Variants in SUPT6H observed in about 807,000 individuals in gnomAD.
SUPT6H encodes the protein SPT6 homolog, histone chaperone and transcription elongation factor, also known as transcription elongation factor SPT6.
In SUPT6H, 11 loss-of-function variants were observed where a neutral mutation model predicts 222.3. The observed-to-expected ratio is 0.05, with a 90% CI of 0.03 to 0.08. The LOEUF is 0.08. Among genes scored for constraint, SUPT6H ranks in the 10% least tolerant of loss-of-function variants. SUPT6H has a pLI of 1.00. For synonymous variants in SUPT6H, 762 were observed against 801.2 expected, an observed-to-expected ratio of 0.95 and a Z score of 0.83; for missense variants, 1,422 against 2,216.0, an observed-to-expected ratio of 0.64 and a Z score of 7.19.
In SUPT6H at chr17:28,697,049, C is replaced by T. The variant is rs1250772284; in HGVS notation, c.4176C>T (p.Phe1392=). The T allele has an allele frequency of 1.9e-6, 3 of 1,613,958 alleles. No individual in the cohort carries two copies. The highest frequency in any genetic ancestry group is 1.7e-5 in the Admixed American group (1 of 59,992). The part of the protein sequence containing the change: ...DVREEGKENA[F]SLGATLWINS... ...GGGAGGAGGGCAAGGAAAATGCCTTCAGCCTGGGAGCCACTCTGTGGATCA... is the reference window on the plus strand; with the variant it reads ...GGGAGGAGGGCAAGGAAAATGCCTTTAGCCTGGGAGCCACTCTGTGGATCA... The change falls in exon 30 of 37, where the codon TTC becomes TTT. Residue 1392 remains phenylalanine, a synonymous_variant. Transcript: ENST00000314616.
intron 26 of SUPT6H, among the ~76,000 whole-genome samples, chr17:28,690,678 G>C (rs959880682): frequency 1.3e-5 from 2 of 152,236 alleles, no homozygotes; most frequent in African/African-American, 4.8e-5. Flanking sequence ...GGAGGCTGAG[G>C]CAGGAGGATT....
Position 28,697,886 on chromosome 17 carries a change from C to T in SUPT6H, c.4324-20C>T, listed in dbSNP as rs2031991475. ...CAAGCATGCTGCTATCCCAACCTCT[C>T]CCCCTCATTCTACCCCCAGAAATTA... On this transcript the variant is annotated intron_variant, in intron 31 of 36. Coordinates refer to ENST00000314616, the MANE Select transcript of SUPT6H (RefSeq NM_003170.5). 6 of 1,612,768 alleles carry T rather than the reference C, an allele frequency of 3.7e-6. No homozygotes were observed. Among genetic ancestry groups the T allele is most frequent in the Non-Finnish European group, 5.1e-6 (6 of 1,179,394 alleles).
In SUPT6H at chr17:28,698,045, T is replaced by A; in HGVS notation, c.4448+15T>A. 2 of 1,602,692 alleles carry A rather than the reference T, an allele frequency of 1.2e-6. No homozygotes were observed. The highest frequency in any genetic ancestry group is 1.7e-6 in the Non-Finnish European group (2 of 1,178,708). ...GGTAAACCCAGGTGAGCACTAGTGC[T>A]GAGAAGGTGCTGCCACTGGGGTTCA... On this transcript the variant is annotated intron_variant, in intron 32 of 36. Coordinates refer to ENST00000314616, the MANE Select transcript of SUPT6H (RefSeq NM_003170.5).
At position 28,675,080 on chromosome 17, in the gene SUPT6H, T is replaced by C; in HGVS notation, c.456T>C (p.Asp152=). 6 of 1,613,614 alleles carry C rather than the reference T, an allele frequency of 3.7e-6. No homozygotes were observed. Among genetic ancestry groups the C allele is most frequent in the Non-Finnish European group, 4.2e-6 (5 of 1,179,844 alleles). The change falls in exon 5 of 37, where the codon GAT becomes GAC. Residue 152 remains aspartate (D), a synonymous_variant. Transcript: ENST00000314616. ...KEAIAEEIFQ[D]GEGEEGQEAM... The stretch of plus-strand genomic sequence containing the variant: ...CTATTGCGGAAGAAATCTTCCAGGA[T>C]GGGGAAGGGGAAGAAGGGCAGGAGG...
intron 15 of SUPT6H, 55 bp from the exon 16 acceptor site, chr17:28,683,213 C>G: frequency 6.3e-7 from 1 of 1,592,372 alleles, no homozygotes; most frequent in African/African-American, 1.3e-5. Flanking sequence ...GTCTTTTCTC[C>G]TGGGGCCTGG....
intron 1 of SUPT6H, among the ~76,000 whole-genome samples, chr17:28,663,683 T>C (rs1039773502): frequency 3.3e-5 from 5 of 152,052 alleles, no homozygotes; most frequent in Admixed American, 6.6e-5. Context: ...ACAAATTATG[T>C]TCTGGTATCC....
chr17:28,701,241 C>T (rs993531902), intron 36 of SUPT6H, 113 bp downstream of exon 36: 38 of 1,444,008 alleles, frequency 2.6e-5, no homozygotes, highest in Admixed American at 6.5e-5. Context: ...GCCCTGACCA[C>T]ATGATATGCC....
At position 28,688,056 on chromosome 17, in the gene SUPT6H, T is replaced by C; in HGVS notation, c.3007-35T>C. ...AACAGTCTGGGGAGGTGGGGCCTGC[T>C]TACTGCCCTGGCTCAGTCCAGCTCT... On this transcript the variant is annotated intron_variant, in intron 23 of 36. Coordinates refer to ENST00000314616, the MANE Select transcript of SUPT6H (RefSeq NM_003170.5). This position sits in a 1 kb window ranked among gnomAD's most constrained non-coding sequence, Gnocchi z 4.3. The C allele has an allele frequency of 6.4e-7, 1 of 1,570,658 alleles. No homozygotes were observed. Among genetic ancestry groups the C allele is most frequent in the Non-Finnish European group, 8.7e-7 (1 of 1,155,700 alleles).
chr17:28,675,913 C>G (rs953717028), intron 6 of SUPT6H, among the ~76,000 whole-genome samples: 1 of 152,200 alleles, frequency 6.6e-6, no homozygotes, highest in African/African-American at 2.4e-5. Context: ...CCCGTCTGCT[C>G]TGTTGCTATT....
At chr17:28,685,472 C>CATTATTATT (rs3076012) in intron 19 of SUPT6H, among the ~76,000 whole-genome samples, 67 of 144,394 alleles carry the variant, frequency 4.6e-4, no homozygotes, top group South Asian at 1.3e-3. Flanking sequence ...TTATTATTAT[C>CATTATTATT]ATTATTATTA....
chr17:28,698,176 T>A, intron 32 of SUPT6H, 146 bp downstream of exon 32: 1 of 1,209,322 alleles, frequency 8.3e-7, no homozygotes, highest in Non-Finnish European at 1.1e-6. Flanking sequence ...AGGTTGGAGG[T>A]GGGAAAAGAG....
intron 9 of SUPT6H, among the ~76,000 whole-genome samples, 161 bp from the exon 10 acceptor site, chr17:28,678,384 A>G (rs1051607564): frequency 1.3e-5 from 2 of 152,032 alleles, no homozygotes; most frequent in Non-Finnish European, 2.9e-5. Flanking sequence ...ATTTTCTCCT[A>G]TTGAGGAAAG....
At chr17:28,689,330 G>C in intron 24 of SUPT6H, 24 bp from the exon 25 acceptor site, 1 of 1,612,864 alleles carries the variant, frequency 6.2e-7, no homozygotes, top group Admixed American at 1.7e-5. Flanking sequence ...TCTATATCCT[G>C]TTCCTTTTCT....
Position 28,701,477 on chromosome 17 carries a change from C to T in SUPT6H, c.5033C>T (p.Ala1678Val). 3 of 1,614,158 alleles carry T rather than the reference C, an allele frequency of 1.9e-6. No individual in the cohort carries two copies. Among genetic ancestry groups the T allele is most frequent in the Non-Finnish European group, 2.5e-6 (3 of 1,180,006 alleles). Residue 1678 changes from alanine (A) to valine (V), a missense_variant, in exon 37 of 37, where the codon GCG becomes GTG. By Grantham distance (64) the Ala-to-Val change is moderately conservative. This residue lies in a region of SUPT6H where 395 missense variants were observed against 580.6 expected (regional missense o/e 0.68). Coordinates refer to ENST00000314616, the MANE Select transcript of SUPT6H (RefSeq NM_003170.5). ...SHAAIDWGKM[A>V]EQWLQEKEAE... is the part of the protein sequence containing the mutation. ...GCAGCCATCGACTGGGGAAAAATGGCGGAGCAGTGGCTGCAGGAAAAGGAG... is the reference window on the plus strand; with the variant it reads ...GCAGCCATCGACTGGGGAAAAATGGTGGAGCAGTGGCTGCAGGAAAAGGAG...
chr17:28,687,402 C>T lies in SUPT6H; in HGVS notation c.2937C>T (p.His979=), dbSNP rs148361762. 4.7e-5 allele frequency: 76 copies of T among 1,614,180 alleles called. No individual in the cohort carries two copies. In the African/African-American group the frequency reaches 9.2e-4, roughly 20 times the overall value. ...TCGATGTCAACCGTGCCATTGCCCA[C>T]CCTTACAGCCAGGCCTTGATCCAGT... is the stretch of plus-strand genomic sequence containing the variant. ...VGVDVNRAIA[H]PYSQALIQYV... The change falls in exon 23 of 37, where the codon CAC becomes CAT. Residue 979 remains histidine (H), a synonymous_variant. Transcript: ENST00000314616.
intron 36 of SUPT6H, 22 bp from the exon 37 acceptor site, chr17:28,701,417 T>C: frequency 6.2e-7 from 1 of 1,608,420 alleles, no homozygotes; most frequent in Non-Finnish European, 8.5e-7. Flanking sequence ...AGTCCCAATC[T>C]CAACTTTTCT....
chr17:28,691,324 G>C (rs545841371), intron 27 of SUPT6H: 5 of 381,998 alleles, frequency 1.3e-5, no homozygotes, highest in African/African-American at 8.1e-5. Flanking sequence ...TCAGGGGTTC[G>C]AGACCAGCCT....
intron 1 of SUPT6H, among the ~76,000 whole-genome samples, chr17:28,670,703 A>G (rs1273533296): frequency 6.6e-6 from 1 of 152,156 alleles, no homozygotes; most frequent in Admixed American, 6.5e-5. Context: ...CCTGACCAAC[A>G]TGGAGAAACC....
chr17:28,682,892 C>T, intron 14 of SUPT6H, 36 bp downstream of exon 14: 1 of 1,613,722 alleles, frequency 6.2e-7, no homozygotes, highest in Non-Finnish European at 8.5e-7. Context: ...GGAGGAGGGG[C>T]CTGAGGACCA....
Sources: gnomAD v4.1 joint callset for allele counts (sites outside exome capture counted in the v4.1 genomes callset) on GRCh38, gnomAD v4.1.1 for gene constraint, gnomAD v4.1.1 regional missense constraint, Gnocchi (gnomAD v3.1) non-coding constraint, MANE v1.5 for transcripts, NCBI Gene and HGNC (gene_info 2026-07-23, HGNC 2026-07-21) for gene names.